The following GRID2 variants were observed in gnomAD, a reference collection of about 807,000 sequenced individuals.
GRID2 encodes glutamate receptor ionotropic, delta-2.
GRID2 carries 33 observed loss-of-function variants against 114.8 expected under a neutral mutation model. The ratio of observed to expected loss-of-function variants is 0.29; its 90% confidence interval spans 0.22 to 0.38. The LOEUF is 0.38. Among genes scored for constraint, GRID2 ranks in the 10% least tolerant of loss-of-function variants. The pLI, the probability that GRID2 is intolerant of heterozygous loss-of-function variation, is 1.00. For missense variants in GRID2, 1,184 were observed against 1,257.7 expected (o/e 0.94, Z 0.89); for synonymous variants, 505 against 449.9 (o/e 1.12, Z -1.55).
chr4:92,924,245 G>C (rs1369176149), intron 2 of GRID2, among the ~76,000 whole-genome samples: 1 of 152,098 alleles, frequency 6.6e-6, no homozygotes, highest in East Asian at 1.9e-4. Flanking sequence ...TCTGGGGACT[G>C]TTGTGTGTTG....
intron 1 of GRID2, among the ~76,000 whole-genome samples, chr4:92,476,571 T>A (rs1310546876): frequency 6.6e-6 from 1 of 152,120 alleles, no homozygotes; most frequent in Admixed American, 6.6e-5. Flanking sequence ...GCTTTACTTA[T>A]CCAATCATTT....
intron 2 of GRID2, among the ~76,000 whole-genome samples, chr4:93,075,874 G>A (rs1443429122): frequency 1.5e-5 from 2 of 129,616 alleles, no homozygotes; most frequent in South Asian, 2.6e-4. Context: ...GGATGTCGAA[G>A]TTACCTCTCT....
chr4:93,143,733 T>C (rs1226906725), intron 4 of GRID2, among the ~76,000 whole-genome samples: 1 of 152,218 alleles, frequency 6.6e-6, no homozygotes, highest in African/African-American at 2.4e-5. Flanking sequence ...GAAGACTTTC[T>C]AGGAGCAATT....
intron 8 of GRID2, chr4:93,258,947 A>T (rs1442333342): frequency 1.3e-5 from 6 of 455,504 alleles, no homozygotes; most frequent in Non-Finnish European, 1.8e-5. Context: ...GCCCCAGGTG[A>T]GGAATATTAA....
At chr4:92,504,757 C>T (rs1723868005) in intron 1 of GRID2, among the ~76,000 whole-genome samples, 1 of 151,802 alleles carries the variant, frequency 6.6e-6, no homozygotes, top group African/African-American at 2.4e-5. Context: ...GGCTGGCATC[C>T]AAGATTTCAT....
intron 1 of GRID2, among the ~76,000 whole-genome samples, chr4:93,781,967 G>A (rs1218375200): frequency 6.6e-6 from 1 of 152,084 alleles, no homozygotes; most frequent in East Asian, 1.9e-4. Context: ...GCCTATCATA[G>A]CATTCAAACT....
intron 2 of GRID2, among the ~76,000 whole-genome samples, chr4:93,050,729 C>A (rs1726631595): frequency 6.6e-6 from 1 of 151,930 alleles, no homozygotes; most frequent in Non-Finnish European, 1.5e-5. Context: ...CTGGATAGTC[C>A]TGTCCTAGAT....
intron 3 of GRID2, among the ~76,000 whole-genome samples, chr4:93,090,735 A>G (rs1730712409): frequency 6.6e-6 from 1 of 152,142 alleles, no homozygotes; most frequent in Non-Finnish European, 1.5e-5. Context: ...ATGTGTCTTC[A>G]GAAGGGTGGT....
chr4:93,158,590 T>TTTG (rs1737391650), intron 4 of GRID2, among the ~76,000 whole-genome samples: 2 of 151,756 alleles, frequency 1.3e-5, no homozygotes, highest in Non-Finnish European at 3.0e-5. Flanking sequence ...AATTCTGAAC[T>TTTG]TCTACTCCTT....
At chr4:93,116,628 A>C (rs550288416) in intron 4 of GRID2, among the ~76,000 whole-genome samples, 2 of 152,072 alleles carry the variant, frequency 1.3e-5, no homozygotes, top group Non-Finnish European at 2.9e-5. Context: ...TTTCTGGTGC[A>C]TCCTTAAAAT....
chr4:93,536,636 A>C (rs1324684463), intron 13 of GRID2, among the ~76,000 whole-genome samples: 1 of 140,322 alleles, frequency 7.1e-6, no homozygotes, highest in African/African-American at 2.8e-5. Context: ...ATGACTTGAT[A>C]TTTTTGACTT....
At chr4:93,450,126 G>A (rs539019123) in intron 10 of GRID2, among the ~76,000 whole-genome samples, 21 of 151,856 alleles carry the variant, frequency 1.4e-4, no homozygotes, top group Middle Eastern at 3.4e-3. Context: ...ATCAATTGAG[G>A]AAACTGATTA....
intron 8 of GRID2, among the ~76,000 whole-genome samples, chr4:93,279,692 A>G (rs2149583584): frequency 6.6e-6 from 1 of 152,058 alleles, no homozygotes; most frequent in East Asian, 1.9e-4. Flanking sequence ...CTTCATGAAG[A>G]CCTTTACTTT....
intron 2 of GRID2, among the ~76,000 whole-genome samples, chr4:92,793,095 A>G (rs185501585): frequency 5.1e-4 from 77 of 151,908 alleles, no homozygotes; most frequent in African/African-American, 1.8e-3. Flanking sequence ...GTGTTCATTT[A>G]TGCACCAGTT....
chr4:92,956,074 C>T (rs1470360010), intron 2 of GRID2, among the ~76,000 whole-genome samples: 2 of 152,120 alleles, frequency 1.3e-5, no homozygotes, highest in East Asian at 1.9e-4. Flanking sequence ...AAAACAAAAA[C>T]AATTTTTGGA....
At chr4:93,680,473 C>A (rs1364817329) in intron 14 of GRID2, among the ~76,000 whole-genome samples, 5 of 148,238 alleles carry the variant, frequency 3.4e-5, no homozygotes, top group East Asian at 2.0e-4. Flanking sequence ...GAGACACAAC[C>A]AAAAAAGAGA....
intron 10 of GRID2, 64 bp downstream of exon 10, chr4:93,423,032 G>A (rs976019748): frequency 9.1e-7 from 1 of 1,102,156 alleles, no homozygotes; most frequent in African/African-American, 1.6e-5. Context: ...CATACCTAAA[G>A]GTTCAACAGT....
intron 2 of GRID2, among the ~76,000 whole-genome samples, chr4:92,905,681 C>T (rs560013667): frequency 3.7e-4 from 55 of 147,648 alleles, no homozygotes; most frequent in African/African-American, 1.3e-3. Context: ...TTTAAATACT[C>T]ATATGGGGCT....
chr4:93,555,221 T>TC (rs1274022419), intron 13 of GRID2, among the ~76,000 whole-genome samples: 4 of 152,148 alleles, frequency 2.6e-5, no homozygotes, highest in Non-Finnish European at 5.9e-5. Flanking sequence ...GACTTTTTTT[T>TC]CATACCCCAG....
Sources: gnomAD v4.1 joint callset for allele counts (sites outside exome capture counted in the v4.1 genomes callset) on GRCh38, gnomAD v4.1.1 for gene constraint, MANE v1.5 for transcripts, NCBI Gene and HGNC (gene_info 2026-07-23, HGNC 2026-07-21) for gene names.